The following PTPN4 variants were observed in gnomAD, a reference collection of about 807,000 sequenced individuals.
PTPN4 encodes tyrosine-protein phosphatase non-receptor type 4.
In PTPN4, 49 loss-of-function variants were observed where a neutral mutation model predicts 135.5. The observed-to-expected ratio is 0.36, with a 90% confidence interval of 0.29 to 0.46. The LOEUF (loss-of-function observed/expected upper bound fraction) is 0.46, where lower values mean the gene tolerates loss of function less well. Ranked by LOEUF, PTPN4 falls within the 20% of genes least tolerant of loss-of-function variation. PTPN4 has a pLI of 1.00. For synonymous variants in PTPN4, 333 were observed against 369.9 expected, an observed-to-expected ratio of 0.90 and a Z score of 1.14; for missense variants, 860 against 1,101.0, an observed-to-expected ratio of 0.78 and a Z score of 3.10.
chr2:119,963,062 T>C (rs1239595718), intron 24 of PTPN4, among the ~76,000 whole-genome samples: 2 of 152,206 alleles, frequency 1.3e-5, no homozygotes, highest in Non-Finnish European at 2.9e-5. Context: ...AAAAAACTTT[T>C]ACTCCAAGTA....
At chr2:119,774,334 C>T (rs934350799) in intron 1 of PTPN4, among the ~76,000 whole-genome samples, 3 of 152,138 alleles carry the variant, frequency 2.0e-5, no homozygotes, top group Admixed American at 2.0e-4. Context: ...CTTGCCATTT[C>T]AAGAGAAATG....
chr2:119,880,138 A>G (rs1270993847), intron 5 of PTPN4: 1 of 152,088 alleles, frequency 6.6e-6, no homozygotes, highest in Admixed American at 6.6e-5. Flanking sequence ...CCTGAGATAC[A>G]TATACTAGGC....
At chr2:119,857,824 T>C (rs1233858968) in intron 2 of PTPN4, among the ~76,000 whole-genome samples, 3 of 152,152 alleles carry the variant, frequency 2.0e-5, no homozygotes, top group Admixed American at 2.0e-4. Context: ...CTTGAAGTTT[T>C]TTTGTACATT....
At chr2:119,898,719 G>C (rs556003012) in intron 9 of PTPN4, among the ~76,000 whole-genome samples, 2 of 152,126 alleles carry the variant, frequency 1.3e-5, no homozygotes, top group East Asian at 3.9e-4. Context: ...CTAGACATTG[G>C]AATTAATAAC....
chr2:119,825,625 A>T (rs1677135621), intron 2 of PTPN4, among the ~76,000 whole-genome samples: 1 of 151,488 alleles, frequency 6.6e-6, no homozygotes, highest in Non-Finnish European at 1.5e-5. Flanking sequence ...CCTCCCGAGT[A>T]GCTAGGATTA....
intron 1 of PTPN4, among the ~76,000 whole-genome samples, chr2:119,797,500 T>C (rs1691283215): frequency 6.6e-6 from 1 of 152,226 alleles, no homozygotes; most frequent in Non-Finnish European, 1.5e-5. Context: ...TGAAAAGTGC[T>C]CAATTTTTTG....
At chr2:119,919,841 A>AT (rs1343544782) in intron 11 of PTPN4, among the ~76,000 whole-genome samples, 1 of 151,926 alleles carries the variant, frequency 6.6e-6, no homozygotes, top group Non-Finnish European at 1.5e-5. Context: ...AAAAAAAAAA[A>AT]AAAGACTGAG....
chr2:119,874,648 A>G (rs1677959980), intron 3 of PTPN4, among the ~76,000 whole-genome samples: 1 of 152,176 alleles, frequency 6.6e-6, no homozygotes, highest in South Asian at 2.1e-4. Context: ...GAATAGGTAC[A>G]AGATTACCTT....
At position 119,984,537 on chromosome 2, in the gene PTPN4, T is replaced by A. The variant is rs1679737700; in HGVS notation, c.*7467T>A. On this transcript the variant is annotated 3_prime_UTR_variant, in exon 27 of 27. Transcript: ENST00000263708. ...AAAGAAGCTAAGGGTTTATTTAAAATGTGTATAAGCTTGAATTTGGTCAAC... is the reference window on the plus strand; with the variant it reads ...AAAGAAGCTAAGGGTTTATTTAAAAAGTGTATAAGCTTGAATTTGGTCAAC... 6.6e-6 allele frequency among the ~76,000 whole-genome samples: 1 copy of A among 152,226 alleles called. No homozygotes were observed. The highest frequency in any genetic ancestry group is 2.4e-5 in the African/African-American group (1 of 41,462).
intron 9 of PTPN4, among the ~76,000 whole-genome samples, chr2:119,894,750 A>G (rs1226701949): frequency 1.3e-5 from 2 of 152,204 alleles, no homozygotes; most frequent in African/African-American, 4.8e-5. Flanking sequence ...ACAACTTGTA[A>G]GTAGAAACAT....
chr2:119,957,127 T>C, intron 22 of PTPN4, 50 bp downstream of exon 22: 1 of 1,509,060 alleles, frequency 6.6e-7, no homozygotes, highest in Non-Finnish European at 9.0e-7. Flanking sequence ...TACGAGCCAC[T>C]ATGAACTTTG....
intron 2 of PTPN4, among the ~76,000 whole-genome samples, chr2:119,844,277 G>A (rs1307475411): frequency 2.1e-5 from 3 of 140,856 alleles, no homozygotes; most frequent in Non-Finnish European, 4.7e-5. Flanking sequence ...GCCGGGCGGA[G>A]GGCTCACCCC....
In PTPN4 at chr2:119,920,208, A is replaced by G. The variant is rs757223538; in HGVS notation, c.968A>G (p.His323Arg). 2 of 1,612,422 alleles carry G rather than the reference A, an allele frequency of 1.2e-6. No individual in the cohort carries two copies. The highest frequency in any genetic ancestry group is 1.7e-4 in the Middle Eastern group (1 of 6,058). Residue 323 changes from histidine (H) to arginine (R), a missense_variant, in exon 12 of 27, where the codon CAT becomes CGT. Physicochemically the swap from His to Arg is conservative, Grantham distance 29. Around this residue, in one of 2 missense-constraint regions of PTPN4, gnomAD observed 684 missense variants for 807.0 expected, o/e 0.85. Coordinates refer to ENST00000263708, the MANE Select transcript of PTPN4 (RefSeq NM_002830.4). ...PLPPQKNFFA[H>R]YFTLGSKFRY... ...CCACCTCAAAAGAATTTTTTTGCACATTATTTTACATTAGGTTCAAAATTC... is the reference window on the plus strand; with the variant it reads ...CCACCTCAAAAGAATTTTTTTGCACGTTATTTTACATTAGGTTCAAAATTC...
At chr2:119,804,687 C>T (rs922868641) in intron 1 of PTPN4, among the ~76,000 whole-genome samples, 17 of 152,246 alleles carry the variant, frequency 1.1e-4, no homozygotes, top group Admixed American at 7.2e-4. Context: ...CATAGATGAA[C>T]ATTTGGGTTG....
At chr2:119,900,344 A>T (rs181547551) in intron 9 of PTPN4, among the ~76,000 whole-genome samples, 30 of 152,248 alleles carry the variant, frequency 2.0e-4, no homozygotes, top group Non-Finnish European at 4.0e-4. Flanking sequence ...TGATGTTAGC[A>T]TCACAGTTAC....
intron 9 of PTPN4, among the ~76,000 whole-genome samples, chr2:119,889,334 G>C (rs1177359775): frequency 6.6e-6 from 1 of 152,086 alleles, no homozygotes; most frequent in Non-Finnish European, 1.5e-5. Flanking sequence ...GCAGGAGAAT[G>C]GTGTGAACCC....
intron 2 of PTPN4, among the ~76,000 whole-genome samples, chr2:119,847,275 T>TAC (rs775485671): frequency 0.06 from 6,400 of 107,382 alleles, 235 homozygotes; most frequent in Admixed American, 0.077. Context: ...ATACTCTATA[T>TAC]ACACACACAC....
chr2:119,846,143 T>A lies in PTPN4; in HGVS notation c.139-16393T>A, dbSNP rs185143102. On this transcript the variant is annotated intron_variant, in intron 2 of 26. Transcript: ENST00000263708. Reference sequence around the variant, plus strand: ...TTGTGGAGAATATTGCATGTGCACTTGAGAAGAATGCCCATTCTGCTATTG... The same window carrying A: ...TTGTGGAGAATATTGCATGTGCACTAGAGAAGAATGCCCATTCTGCTATTG... Among the ~76,000 whole-genome samples, 3 of 152,310 alleles carry A rather than the reference T, an allele frequency of 2.0e-5. No homozygotes were observed. In the East Asian group the frequency reaches 5.8e-4, roughly 29 times the overall value.
intron 23 of PTPN4, among the ~76,000 whole-genome samples, chr2:119,961,367 A>T (rs1323561926): frequency 6.6e-6 from 1 of 152,230 alleles, no homozygotes; most frequent in African/African-American, 2.4e-5. Flanking sequence ...CAAAACCTTA[A>T]TGAGACTTTA....
Sources: gnomAD v4.1 joint callset for allele counts (sites outside exome capture counted in the v4.1 genomes callset) on GRCh38, gnomAD v4.1.1 for gene constraint, gnomAD v4.1.1 regional missense constraint, MANE v1.5 for transcripts, NCBI Gene and HGNC (gene_info 2026-07-23, HGNC 2026-07-21) for gene names.